TSSC4: variants seen among roughly 807,000 people sequenced by gnomAD.
TSSC4 encodes the protein U5 small nuclear ribonucleoprotein TSSC4.
For missense variants in TSSC4, 500 were observed against 443.9 expected (o/e 1.13, Z -1.14); for synonymous variants, 259 against 197.9 (o/e 1.31, Z -2.59).
In TSSC4 at chr11:2,402,750, C is replaced by T. The variant is rs762362056; in HGVS notation, c.117C>T (p.Ser39=). 2 of 1,570,936 alleles carry T rather than the reference C, an allele frequency of 1.3e-6. No individual in the cohort carries two copies. Among genetic ancestry groups the T allele is most frequent in the Non-Finnish European group, 8.6e-7 (1 of 1,157,488 alleles). ...VSLSDSDSDL[S]LPGGAEVEAL... is the part of the protein sequence containing the mutation. ...TCAGTGACTCGGACTCTGACCTCAG[C>T]TTGCCCGGTGGTGCTGAAGTGGAAG... Residue 39 remains serine, a synonymous_variant, in exon 3 of 3, where the codon AGC becomes AGT. Transcript: ENST00000333256.
At chr11:2,401,109 C>T (rs1045411071) in intron 1 of TSSC4, 1 of 152,262 alleles carries the variant, frequency 6.6e-6, no homozygotes, top group African/African-American at 2.4e-5. Flanking sequence ...AAAGAGACGG[C>T]TTCCTTCAGC....
Position 2,402,961 on chromosome 11 carries a change from T to C in TSSC4, c.328T>C (p.Ser110Pro). 3 of 1,610,484 alleles carry C rather than the reference T, an allele frequency of 1.9e-6. No homozygotes were observed. Among genetic ancestry groups the C allele is most frequent in the Non-Finnish European group, 2.5e-6 (3 of 1,178,928 alleles). ...GGGGGCGGCCAGACGGGCTCCATCC[T>C]CTGTGGCCCACACCAGCATGAGTGA... ...LEGAARRAPS[S>P]VAHTSMSDNG... The change falls in exon 3 of 3, where the codon TCT (serine) becomes CCT (proline). Residue 110 changes from serine to proline, a missense_variant. Transcript: ENST00000333256.
rs145680703 is a variant in TSSC4 at position 2,402,699 on chromosome 11, C to T, written c.66C>T (p.Asp22=). 208 of 1,583,458 alleles carry T rather than the reference C, an allele frequency of 1.3e-4. No homozygotes were observed. Among genetic ancestry groups the T allele is most frequent in the Non-Finnish European group, 1.8e-5 (21 of 1,164,942 alleles). Residue 22 remains aspartate, a synonymous_variant, in exon 3 of 3, where the codon GAC becomes GAT. Transcript: ENST00000333256. Reference sequence around the variant, plus strand: ...AGGGCGAACACGGGACGGAGTATGACACGCTGCCTTCCGACACAGTCTCCC... The same window carrying T: ...AGGGCGAACACGGGACGGAGTATGATACGCTGCCTTCCGACACAGTCTCCC... ...SVEGEHGTEY[D]TLPSDTVSLS... is the part of the protein sequence containing the mutation.
rs1205046739 is a variant in TSSC4 at position 2,402,929 on chromosome 11, G to T, written c.296G>T (p.Cys99Phe). Residue 99 changes from cysteine to phenylalanine, a missense_variant, in exon 3 of 3, where the codon TGC becomes TTC. Transcript: ENST00000333256. The stretch of plus-strand genomic sequence containing the variant: ...CAGCGCAGCCGTGACATCTTTGACT[G>T]CCTGGAGGGGGCGGCCAGACGGGCT... ...FSQRSRDIFD[C>F]LEGAARRAPS... 1.6e-5 allele frequency: 26 copies of T among 1,611,806 alleles called. No homozygotes were observed. Among genetic ancestry groups the T allele is most frequent in the Non-Finnish European group, 2.1e-5 (25 of 1,179,642 alleles).
At position 2,402,687 on chromosome 11, in the gene TSSC4, G is replaced by C. The variant is rs759155884; in HGVS notation, c.54G>C (p.Gly18=). Residue 18 remains glycine (G), a synonymous_variant, in exon 3 of 3, where the codon GGG becomes GGC. Transcript: ENST00000333256. Reference sequence around the variant, plus strand: ...CCCCCAGCGTGGAGGGCGAACACGGGACGGAGTATGACACGCTGCCTTCCG... The same window carrying C: ...CCCCCAGCGTGGAGGGCGAACACGGCACGGAGTATGACACGCTGCCTTCCG... ...EPSPSVEGEH[G]TEYDTLPSDT... is the part of the protein sequence containing the mutation. 1 of 1,587,250 alleles carries C rather than the reference G, an allele frequency of 6.3e-7. No homozygotes were observed. Among genetic ancestry groups the C allele is most frequent in the Non-Finnish European group, 8.6e-7 (1 of 1,167,062 alleles).
chr11:2,403,567 C>G lies in TSSC4; in HGVS notation c.934C>G (p.Arg312Gly). ...CTTCCATGGCAGCAGGAAGCGGAGT[C>G]GAGACCACTTCCGGAACAAGAGCAG... ...VGFHGSRKRSRDHFRNKSSSP... is the reference protein window; with the variant it reads ...VGFHGSRKRSGDHFRNKSSSP... Residue 312 changes from arginine to glycine, a missense_variant, in exon 3 of 3, where the codon CGA becomes GGA. By Grantham distance (125) the Arg-to-Gly change is moderately radical. Coordinates refer to ENST00000333256, the MANE Select transcript of TSSC4 (RefSeq NM_005706.4). 1.3e-6 allele frequency: 2 copies of G among 1,564,102 alleles called. No individual in the cohort carries two copies. Among genetic ancestry groups the G allele is most frequent in the Non-Finnish European group, 1.7e-6 (2 of 1,158,088 alleles).
Position 2,402,292 on chromosome 11 carries a change from A to T in TSSC4, c.-180-2A>T. ...CCTCTCCCCCACCCCACCCACCTGC[A>T]GTTGAGCAGCTGAACAGAGGCCATG... On this transcript the variant is annotated splice_acceptor_variant, in intron 1 of 2. Transcript: ENST00000333256. LOFTEE classifies it low-confidence loss of function (5UTR_SPLICE). 1 of 296,356 alleles carries T rather than the reference A, an allele frequency of 3.4e-6. No individual in the cohort carries two copies. The allele number at this position is 296,356 out of a possible 1,614,324, so 18.4% of individuals were successfully genotyped here. A position where few individuals can be genotyped will look rare whatever the true frequency, so the allele number is the denominator to read the frequency against.
chr11:2,403,173 CACCGCCCTG>C lies in TSSC4; in HGVS notation c.541_549del (p.Thr181_Leu183del), dbSNP rs770076122. On this transcript the variant is annotated inframe_deletion, in exon 3 of 3. Transcript: ENST00000333256. ...AGGTCAGCGAGCAGAGCAATCAGGCCACCGCCCTGGCCTTCCTGGGCTCCCAGAGCCTGG... is the reference window on the plus strand; with the variant it reads ...AGGTCAGCGAGCAGAGCAATCAGGCCGCCTTCCTGGGCTCCCAGAGCCTGG... 1 of 1,612,402 alleles carries C rather than the reference CACCGCCCTG, an allele frequency of 6.2e-7. No individual in the cohort carries two copies. Among genetic ancestry groups the C allele is most frequent in the Admixed American group, 1.7e-5 (1 of 59,960 alleles).
rs1176776149 is a variant in TSSC4 at position 2,402,585 on chromosome 11, A to G, written c.-23-26A>G. ...CTCAATACTGTTCCTCCTGAGAAACAAATTTTCTGGGCTGTTTTGGTTTAG... is the reference window on the plus strand; with the variant it reads ...CTCAATACTGTTCCTCCTGAGAAACGAATTTTCTGGGCTGTTTTGGTTTAG... On this transcript the variant is annotated intron_variant, in intron 2 of 2. Transcript: ENST00000333256. 1.7e-5 allele frequency: 26 copies of G among 1,524,248 alleles called. No homozygotes were observed. The East Asian group carries it at 5.3e-4, about 31-fold the overall frequency. 94.4% of individuals were successfully genotyped at this position (1,524,248 alleles called of 1,614,324 possible).
In TSSC4 at chr11:2,403,256, G is replaced by A. The variant is rs1850221138; in HGVS notation, c.623G>A (p.Cys208Tyr). Reference sequence around the variant, plus strand: ...TCCTTCAACCAGGATCCCTCCAGCTGTGGGGAGGGGAGGGTCATCTTCACC... The same window carrying A: ...TCCTTCAACCAGGATCCCTCCAGCTATGGGGAGGGGAGGGTCATCTTCACC... Reference protein sequence around the residue: ...VSSFNQDPSSCGEGRVIFTKP... With the variant: ...VSSFNQDPSSYGEGRVIFTKP... The change falls in exon 3 of 3, where the codon TGT becomes TAT. Residue 208 changes from cysteine (C) to tyrosine (Y), a missense_variant. By Grantham distance (194) the Cys-to-Tyr change is radical (BLOSUM62 -2). Transcript: ENST00000333256. 1.9e-6 allele frequency: 3 copies of A among 1,612,656 alleles called. No individual in the cohort carries two copies. Among genetic ancestry groups the A allele is most frequent in the Non-Finnish European group, 2.5e-6 (3 of 1,179,766 alleles).
rs957954423 is a variant in TSSC4, at chr11:2,403,676, C to T, written c.*53C>T. ...TGGCCACTGCCATCCTGCTGCCTTC[C>T]CAGTGGGGCTGGTCAGGGGGCAGCC... On this transcript the variant is annotated 3_prime_UTR_variant, in exon 3 of 3. Coordinates refer to ENST00000333256, the MANE Select transcript of TSSC4 (RefSeq NM_005706.4). 2.9e-5 allele frequency: 42 copies of T among 1,448,716 alleles called. No homozygotes were observed. The Admixed American group carries it at 1.1e-3, about 38-fold the overall frequency. 89.7% of individuals were successfully genotyped at this position (1,448,716 alleles called of 1,614,324 possible). A position where few individuals can be genotyped will look rare whatever the true frequency, so the allele number is the denominator to read the frequency against.
In TSSC4 at chr11:2,403,153, A is replaced by G. The variant is rs1032203506; in HGVS notation, c.520A>G (p.Ser174Gly). 6.2e-7 allele frequency: 1 copy of G among 1,612,104 alleles called. No homozygotes were observed. The highest frequency in any genetic ancestry group is 1.3e-5 in the African/African-American group (1 of 75,070). Residue 174 changes from serine (S) to glycine (G), a missense_variant, in exon 3 of 3, where the codon AGC becomes GGC. Ser to Gly is a moderately conservative substitution (Grantham distance 56, BLOSUM62 0). Coordinates refer to ENST00000333256, the MANE Select transcript of TSSC4 (RefSeq NM_005706.4). ...CAGCCTGGAAGATGTGACCGAGGTC[A>G]GCGAGCAGAGCAATCAGGCCACCGC... Reference protein sequence around the residue: ...KYSLEDVTEVSEQSNQATALA... With the variant: ...KYSLEDVTEVGEQSNQATALA...
Position 2,402,330 on chromosome 11 carries a change from G to A in TSSC4, c.-144G>A, listed in dbSNP as rs550847921. On this transcript the variant is annotated 5_prime_UTR_variant, in exon 2 of 3. Transcript: ENST00000333256. Reference sequence around the variant, plus strand: ...AACAGAGGCCATGCCGGGGCACTCCGAGGCCTGAGACGACCACGCCTGTGC... The same window carrying A: ...AACAGAGGCCATGCCGGGGCACTCCAAGGCCTGAGACGACCACGCCTGTGC... The A allele has an allele frequency of 5.1e-6, 2 of 389,934 alleles. No homozygotes were observed. The highest frequency in any genetic ancestry group is 4.6e-5 in the East Asian group (1 of 21,548). 24.2% of individuals were successfully genotyped at this position (389,934 alleles called of 1,614,324 possible).
intron 2 of TSSC4, 39 bp downstream of exon 2, chr11:2,402,489 C>G: frequency 1.1e-6 from 1 of 903,876 alleles, no homozygotes; most frequent in Non-Finnish European, 1.6e-6. Flanking sequence ...GGACTCCACC[C>G]TGTGTGGGAC....
In TSSC4 at chr11:2,402,748, A is replaced by G. The variant is rs769386602; in HGVS notation, c.115A>G (p.Ser39Gly). The change falls in exon 3 of 3, where the codon AGC becomes GGC. Residue 39 changes from serine (S) to glycine (G), a missense_variant. Physicochemically the swap from Ser to Gly is moderately conservative, Grantham distance 56. Coordinates refer to ENST00000333256, the MANE Select transcript of TSSC4 (RefSeq NM_005706.4). ...CCTCAGTGACTCGGACTCTGACCTCAGCTTGCCCGGTGGTGCTGAAGTGGA... is the reference window on the plus strand; with the variant it reads ...CCTCAGTGACTCGGACTCTGACCTCGGCTTGCCCGGTGGTGCTGAAGTGGA... ...VSLSDSDSDL[S>G]LPGGAEVEAL... The G allele has an allele frequency of 1.3e-6, 2 of 1,570,924 alleles. No homozygotes were observed. Among genetic ancestry groups the G allele is most frequent in the Non-Finnish European group, 1.7e-6 (2 of 1,157,558 alleles).
chr11:2,402,835 CCCCCGTCAGGCCTCCT>C lies in TSSC4; in HGVS notation c.206_221del (p.Pro69GlnfsTer9). The C allele has an allele frequency of 6.2e-7, 1 of 1,601,490 alleles. No homozygotes were observed. Among genetic ancestry groups the C allele is most frequent in the Non-Finnish European group, 8.5e-7 (1 of 1,173,964 alleles). On this transcript the variant is annotated frameshift_variant, in exon 3 of 3. Coordinates refer to ENST00000333256, the MANE Select transcript of TSSC4 (RefSeq NM_005706.4). LOFTEE classifies it low-confidence loss of function (END_TRUNC). ...TTCAGGTCCTGATGAGCCGCCCTCA[CCCCCGTCAGGCCTCCT>C]CCCAGCCACGGTGCAGCCATTCCAT... is the stretch of plus-strand genomic sequence containing the variant.
Position 2,403,017 on chromosome 11 carries a change from C to T in TSSC4, c.384C>T (p.Pro128=), listed in dbSNP as rs185225843. The T allele has an allele frequency of 3.1e-6, 5 of 1,608,370 alleles. No homozygotes were observed. Among genetic ancestry groups the T allele is most frequent in the Admixed American group, 3.4e-5 (2 of 59,432 alleles). The part of the protein sequence containing the change: ...DNGGFKRPLA[P]SGRSPVEGLG... Reference sequence around the variant, plus strand: ...GAGGCTTCAAGCGGCCCCTAGCGCCCTCAGGCCGGTCTCCAGTGGAAGGCC... The same window carrying T: ...GAGGCTTCAAGCGGCCCCTAGCGCCTTCAGGCCGGTCTCCAGTGGAAGGCC... The change falls in exon 3 of 3, where the codon CCC becomes CCT. Residue 128 remains proline, a synonymous_variant. Coordinates refer to ENST00000333256, the MANE Select transcript of TSSC4 (RefSeq NM_005706.4).
Position 2,403,571 on chromosome 11 carries a change from AC to A in TSSC4, c.940del (p.His314ThrfsTer101). The A allele has an allele frequency of 6.4e-7, 1 of 1,560,932 alleles. No individual in the cohort carries two copies. The highest frequency in any genetic ancestry group is 8.6e-7 in the Non-Finnish European group (1 of 1,156,430). On this transcript the variant is annotated frameshift_variant, in exon 3 of 3. Coordinates refer to ENST00000333256, the MANE Select transcript of TSSC4 (RefSeq NM_005706.4). LOFTEE classifies it high-confidence loss of function. ...CATGGCAGCAGGAAGCGGAGTCGAG[AC>A]CACTTCCGGAACAAGAGCAGCAGCC... ...GFHGSRKRSR[D>X]HFRNKSSSPE...
In TSSC4 at chr11:2,403,092, C is replaced by A. The variant is rs148771499; in HGVS notation, c.459C>A (p.Pro153=). The A allele has an allele frequency of 2.8e-5, 45 of 1,611,954 alleles. No individual in the cohort carries two copies. The African/African-American group carries it at 5.1e-4, about 18-fold the overall frequency. ...SPASPRVPPV[P]DYVAHPERWT... ...CCTCACCAAGGGTGCCTCCGGTCCCCGACTACGTGGCACACCCCGAGCGCT... is the reference window on the plus strand; with the variant it reads ...CCTCACCAAGGGTGCCTCCGGTCCCAGACTACGTGGCACACCCCGAGCGCT... Residue 153 remains proline, a synonymous_variant, in exon 3 of 3, where the codon CCC becomes CCA. Coordinates refer to ENST00000333256, the MANE Select transcript of TSSC4 (RefSeq NM_005706.4).
Sources: gnomAD v4.1 joint callset for allele counts on GRCh38, gnomAD v4.1.1 for gene constraint, MANE v1.5 for transcripts, NCBI Gene and HGNC (gene_info 2026-07-23, HGNC 2026-07-21) for gene names.